GRIN2A: variants seen among roughly 807,000 people sequenced by gnomAD.
GRIN2A encodes the protein glutamate ionotropic receptor NMDA type subunit 2A, also known as glutamate receptor ionotropic, NMDA 2A.
GRIN2A carries 22 observed loss-of-function variants against 113.4 expected under a neutral mutation model. The observed-to-expected ratio is 0.19, with a 90% CI of 0.14 to 0.28. GRIN2A has a LOEUF of 0.28. Among genes scored for constraint, GRIN2A ranks in the 10% least tolerant of loss-of-function variants. The pLI, the probability that GRIN2A is intolerant of heterozygous loss-of-function variation, is 1.00. For synonymous variants in GRIN2A, 827 were observed against 738.4 expected (o/e 1.12, Z -1.94); for missense variants, 1,502 against 1,887.0 (o/e 0.80, Z 3.78).
intron 4 of GRIN2A, among the ~76,000 whole-genome samples, chr16:9,882,624 A>G (rs1338324414): frequency 1.3e-5 from 2 of 152,076 alleles, no homozygotes. Flanking sequence ...TTGTGTCTGC[A>G]AAAGAAATAA....
At chr16:10,055,829 C>A (rs2047448782) in intron 2 of GRIN2A, among the ~76,000 whole-genome samples, 1 of 152,140 alleles carries the variant, frequency 6.6e-6, no homozygotes, top group Admixed American at 6.5e-5. Context: ...ATTTTTCTGC[C>A]ATCAGGTTTA....
At chr16:9,913,112 TC>T (rs766968028) in intron 3 of GRIN2A, among the ~76,000 whole-genome samples, 1 of 152,210 alleles carries the variant, frequency 6.6e-6, no homozygotes, top group Non-Finnish European at 1.5e-5. Context: ...AGCAAGAGTT[TC>T]CTTTCACTGA....
intron 3 of GRIN2A, among the ~76,000 whole-genome samples, chr16:9,927,672 A>G (rs1421492630): frequency 1.3e-5 from 2 of 152,228 alleles, no homozygotes; most frequent in African/African-American, 4.8e-5. Context: ...ACATAGGAGG[A>G]AGTCAATACA....
chr16:10,129,283 G>C (rs1216243146), intron 2 of GRIN2A, among the ~76,000 whole-genome samples: 2 of 152,056 alleles, frequency 1.3e-5, no homozygotes, highest in Admixed American at 1.3e-4. Context: ...TCTCTGTGTT[G>C]CCCAGGCTGG....
intron 2 of GRIN2A, among the ~76,000 whole-genome samples, chr16:10,118,459 A>T (rs1159310325): frequency 6.6e-6 from 1 of 152,174 alleles, no homozygotes; most frequent in African/African-American, 2.4e-5. Flanking sequence ...TTTTCAGGTT[A>T]ACAAGTAAAA....
chr16:10,068,917 G>T (rs946719563), intron 2 of GRIN2A, among the ~76,000 whole-genome samples: 1 of 152,114 alleles, frequency 6.6e-6, no homozygotes, highest in Admixed American at 6.5e-5. Flanking sequence ...AAGAAGGAAA[G>T]AAAACAGGGT....
At chr16:9,809,494 A>G (rs1039956291) in intron 10 of GRIN2A, among the ~76,000 whole-genome samples, 2 of 152,154 alleles carry the variant, frequency 1.3e-5, no homozygotes, top group Non-Finnish European at 2.9e-5. Flanking sequence ...CGTACATCAA[A>G]CAGACAACAG....
At chr16:10,053,047 C>CAAA (rs34069709) in intron 2 of GRIN2A, among the ~76,000 whole-genome samples, 1,843 of 130,438 alleles carry the variant, frequency 0.014, 42 homozygotes, top group African/African-American at 0.047. Context: ...GACTCCATCT[C>CAAA]AAAAAAAAAA....
intron 2 of GRIN2A, chr16:9,970,986 A>C (rs1236099501): frequency 6.6e-6 from 1 of 151,764 alleles, no homozygotes. Context: ...TTGTGTAGAT[A>C]GTCATTTGAG....
At chr16:10,005,614 G>A (rs1056579190) in intron 2 of GRIN2A, among the ~76,000 whole-genome samples, 1 of 152,160 alleles carries the variant, frequency 6.6e-6, no homozygotes, top group African/African-American at 2.4e-5. Context: ...TCAACAGACA[G>A]TATCACTGGA....
At chr16:9,952,659 TC>T (rs2045211663) in intron 2 of GRIN2A, among the ~76,000 whole-genome samples, 1 of 152,148 alleles carries the variant, frequency 6.6e-6, no homozygotes, top group Non-Finnish European at 1.5e-5. Context: ...CTGTTCAATG[TC>T]CTATTTGATA....
chr16:10,114,320 A>C (rs1200323430), intron 2 of GRIN2A, among the ~76,000 whole-genome samples: 20 of 152,310 alleles, frequency 1.3e-4, no homozygotes. Context: ...GCCTGCTTGG[A>C]AACTCAAGAG....
intron 4 of GRIN2A, among the ~76,000 whole-genome samples, chr16:9,867,342 C>T (rs2043177460): frequency 6.6e-6 from 1 of 152,156 alleles, no homozygotes; most frequent in Admixed American, 6.5e-5. Context: ...TCACACCTGC[C>T]CACAAGACTG....
intron 2 of GRIN2A, among the ~76,000 whole-genome samples, chr16:9,975,691 A>C (rs752591329): frequency 2.6e-5 from 4 of 152,388 alleles, no homozygotes; most frequent in Middle Eastern, 6.8e-3. Flanking sequence ...CGATAACTGC[A>C]TTAAATGACT....
chr16:9,822,397 G>C lies in GRIN2A; in HGVS notation c.2035C>G (p.Pro679Ala). ...TTAGGCACTGTCCCAAATCGAAAAG[G>C]TGGGGAATAGTCATGAGGTCTCTGA... ...KFQRPHDYSPPFRFGTVPNGS... is the reference protein window; with the variant it reads ...KFQRPHDYSPAFRFGTVPNGS... Residue 679 changes from proline to alanine, a missense_variant, in exon 10 of 13, where the codon CCT becomes GCT. Pro to Ala is a conservative substitution (Grantham distance 27). This residue lies in a region of GRIN2A where 101 missense variants were observed against 240.4 expected (regional missense o/e 0.42). Transcript: ENST00000330684. 1 of 1,612,130 alleles carries C rather than the reference G, an allele frequency of 6.2e-7. No homozygotes were observed. The highest frequency in any genetic ancestry group is 8.5e-7 in the Non-Finnish European group (1 of 1,178,262).
intron 11 of GRIN2A, among the ~76,000 whole-genome samples, chr16:9,772,922 CAA>C (rs71400490): frequency 2.9e-5 from 3 of 105,014 alleles, no homozygotes; most frequent in Non-Finnish European, 3.7e-5. Context: ...ACTTCAATTT[CAA>C]AAAAAAAAAA....
intron 5 of GRIN2A, 67 bp downstream of exon 5, chr16:9,849,689 A>G: frequency 9.1e-7 from 1 of 1,103,734 alleles, no homozygotes; most frequent in South Asian, 1.2e-5. Flanking sequence ...ACATATTGTT[A>G]CTATCGATGA....
chr16:9,907,435 A>C (rs1367837395), intron 3 of GRIN2A, among the ~76,000 whole-genome samples: 1 of 152,088 alleles, frequency 6.6e-6, no homozygotes, highest in Non-Finnish European at 1.5e-5. Context: ...AGACACAGAG[A>C]AGAGATCAGT....
At chr16:9,957,755 C>T (rs773644462) in intron 2 of GRIN2A, among the ~76,000 whole-genome samples, 24 of 152,174 alleles carry the variant, frequency 1.6e-4, no homozygotes, top group African/African-American at 5.3e-4. Context: ...AGATGCCCCT[C>T]GATGACTCTG....
Sources: allele counts gnomAD v4.1 joint callset (sites outside exome capture counted in the v4.1 genomes callset), GRCh38; gene constraint gnomAD v4.1.1; regional missense constraint gnomAD v4.1.1; transcripts MANE v1.5; gene names NCBI Gene and HGNC (gene_info 2026-07-23, HGNC 2026-07-21).